The following GLI1 variants were observed in gnomAD, a reference collection of about 807,000 sequenced individuals.
GLI1 encodes transcription activator GLI1.
GLI1 carries 51 observed loss-of-function variants against 87.8 expected under a neutral mutation model. That is an observed-to-expected ratio of 0.58 (90% CI 0.46 to 0.73). The LOEUF is 0.73. GLI1 is among the 30% of genes least tolerant of loss of function. The pLI, the probability that GLI1 is intolerant of heterozygous loss-of-function variation, is 0.00. For missense variants in GLI1, 1,292 were observed against 1,437.2 expected (o/e 0.90, Z 1.63); for synonymous variants, 528 against 558.2 (o/e 0.95, Z 0.76).
chr12:57,470,614 A>G lies in GLI1; in HGVS notation c.1874A>G (p.Glu625Gly). 6.2e-7 allele frequency: 1 copy of G among 1,614,076 alleles called. No homozygotes were observed. Among genetic ancestry groups the G allele is most frequent in the Non-Finnish European group, 8.5e-7 (1 of 1,180,016 alleles). Residue 625 changes from glutamate (E) to glycine (G), a missense_variant, in exon 12 of 12, where the codon GAG becomes GGG. By Grantham distance (98) the Glu-to-Gly change is moderately conservative. This residue lies in a region of GLI1 where 897 missense variants were observed against 1,040.7 expected (regional missense o/e 0.86). Coordinates refer to ENST00000228682, the MANE Select transcript of GLI1 (RefSeq NM_005269.3). ...LPMPPWRSRA[E>G]YPGYNPNAGV... ...ATGCCTCCTTGGAGAAGCCGAGCCG[A>G]GTATCCAGGATACAACCCCAATGCA...
At chr12:57,465,327 A>G in intron 5 of GLI1, 72 bp downstream of exon 5, 3 of 1,346,516 alleles carry the variant, frequency 2.2e-6, no homozygotes, top group Non-Finnish European at 3.1e-6. Context: ...TGTAGGGGAA[A>G]GGTGAAGGAA....
chr12:57,468,700 G>A (rs1298966866), intron 10 of GLI1, among the ~76,000 whole-genome samples: 2 of 151,768 alleles, frequency 1.3e-5, no homozygotes, highest in East Asian at 1.9e-4. Flanking sequence ...GGCCTTGAGC[G>A]ATCCTCCCAC....
chr12:57,472,107 T>C lies in GLI1; in HGVS notation c.*46T>C, dbSNP rs1397839147. ...TCACAGATCGCATTTCCTAAGGGGT[T>C]TCTATCCTTCCAGAAAAATTGGGGG... On this transcript the variant is annotated 3_prime_UTR_variant, in exon 12 of 12. Transcript: ENST00000228682. 6 of 1,341,258 alleles carry C rather than the reference T, an allele frequency of 4.5e-6. No individual in the cohort carries two copies. The highest frequency in any genetic ancestry group is 6.0e-6 in the Non-Finnish European group (6 of 996,124). 83.1% of individuals were successfully genotyped at this position (1,341,258 alleles called of 1,614,324 possible).
rs1871846249 is a variant in GLI1, at chr12:57,470,749, CA to C, written c.2010del (p.Gly672GlufsTer47). On this transcript the variant is annotated frameshift_variant, in exon 12 of 12. Coordinates refer to ENST00000228682, the MANE Select transcript of GLI1 (RefSeq NM_005269.3). LOFTEE classifies it high-confidence loss of function. The part of the protein sequence containing the change: ...LGCVHTPPTV[A>X]GGGQNFDPYL... ...TGTGTCCATACCCCACCCACTGTGG[CA>C]GGGGGAGGACAGAACTTTGATCCTT... is the stretch of plus-strand genomic sequence containing the variant. The C allele has an allele frequency of 6.2e-7, 1 of 1,613,106 alleles. No homozygotes were observed. The highest frequency in any genetic ancestry group is 8.5e-7 in the Non-Finnish European group (1 of 1,179,530).
chr12:57,464,910 C>A, intron 4 of GLI1, 42 bp downstream of exon 4: 1 of 1,477,590 alleles, frequency 6.8e-7, no homozygotes, highest in Non-Finnish European at 9.4e-7. Context: ...AAGCCCCTAC[C>A]CAAGTCCATT....
chr12:57,467,052 C>A (rs542781435), intron 8 of GLI1, among the ~76,000 whole-genome samples: 143 of 152,280 alleles, frequency 9.4e-4, no homozygotes, highest in Admixed American at 1.8e-3. Flanking sequence ...ATGACCCCAT[C>A]TTGGGACAGC....
Position 57,471,890 on chromosome 12 carries a change from G to T in GLI1, c.3150G>T (p.Val1050=). 6.2e-7 allele frequency: 1 copy of T among 1,607,236 alleles called. No homozygotes were observed. Among genetic ancestry groups the T allele is most frequent in the Non-Finnish European group, 8.5e-7 (1 of 1,176,614 alleles). ...TTGACAACACTCAGCTGGACTTTGT[G>T]GCTATTCTGGATGAGCCCCAGGGGC... ...LDLDNTQLDF[V]AILDEPQGLS... Residue 1050 remains valine, a synonymous_variant, in exon 12 of 12, where the codon GTG becomes GTT. Coordinates refer to ENST00000228682, the MANE Select transcript of GLI1 (RefSeq NM_005269.3). This position sits in a 1 kb window ranked among gnomAD's most constrained non-coding sequence, Gnocchi z 4.9.
At chr12:57,463,507 GCCC>G (rs1871282249) in intron 1 of GLI1, among the ~76,000 whole-genome samples, 155 bp from the exon 2 acceptor site, 1 of 152,196 alleles carries the variant, frequency 6.6e-6, no homozygotes, top group African/African-American at 2.4e-5. Flanking sequence ...GAGCCACTGT[GCCC>G]GGCTCAGTGA....
chr12:57,466,249 A>G lies in GLI1; in HGVS notation c.772A>G (p.Ser258Gly). Residue 258 changes from serine to glycine, a missense_variant, in exon 8 of 12, where the codon AGC becomes GGC. Coordinates refer to ENST00000228682, the MANE Select transcript of GLI1 (RefSeq NM_005269.3). ...GTATCTTCTCCCTCAGCACATCAAC[A>G]GCGAGCACATCCACGGGGAGCGGAA... Reference protein sequence around the residue: ...SQEQLVHHINSEHIHGERKEF... With the variant: ...SQEQLVHHINGEHIHGERKEF... The G allele has an allele frequency of 1.9e-6, 3 of 1,613,162 alleles. No individual in the cohort carries two copies. Among genetic ancestry groups the G allele is most frequent in the Non-Finnish European group, 2.5e-6 (3 of 1,179,448 alleles).
chr12:57,462,391 C>T (rs1164929061), intron 1 of GLI1, among the ~76,000 whole-genome samples: 1 of 152,058 alleles, frequency 6.6e-6, no homozygotes, highest in African/African-American at 2.4e-5. Context: ...CCCTAAATCC[C>T]AGCATCCCGG....
In GLI1 at chr12:57,469,651, G is replaced by A. The variant is rs147931475; in HGVS notation, c.1529G>A (p.Arg510Gln). The stretch of plus-strand genomic sequence containing the variant: ...AGGCTGGACCAGCTACATCAACTCC[G>A]GCCAATAGGGACCCGGGGTCTCAAA... ...NLRLDQLHQL[R>Q]PIGTRGLKLP... The change falls in exon 11 of 12, where the codon CGG (arginine) becomes CAG (glutamine). Residue 510 changes from arginine (R) to glutamine (Q), a missense_variant. Transcript: ENST00000228682. The A allele has an allele frequency of 1.8e-5, 29 of 1,613,894 alleles. No individual in the cohort carries two copies. The highest frequency in any genetic ancestry group is 6.7e-5 in the East Asian group (3 of 44,892).
chr12:57,465,199 G>T lies in GLI1; in HGVS notation c.478G>T (p.Ala160Ser). The change falls in exon 5 of 12, where the codon GCC (alanine) becomes TCC (serine). Residue 160 changes from alanine to serine, a missense_variant. Coordinates refer to ENST00000228682, the MANE Select transcript of GLI1 (RefSeq NM_005269.3). ...GVQPCGPHDS[A>S]RGGMIPHPQS... The stretch of plus-strand genomic sequence containing the variant: ...CCAGCCTTGTGGTCCCCATGACTCT[G>T]CCCGGGGTGGGATGATCCCACATCC... 6.2e-7 allele frequency: 1 copy of T among 1,613,916 alleles called. No individual in the cohort carries two copies. Among genetic ancestry groups the T allele is most frequent in the Non-Finnish European group, 8.5e-7 (1 of 1,179,912 alleles).
intron 3 of GLI1, among the ~76,000 whole-genome samples, chr12:57,464,329 C>T (rs1871333350): frequency 6.6e-6 from 1 of 152,150 alleles, no homozygotes; most frequent in Non-Finnish European, 1.5e-5. Flanking sequence ...CAAGACCAGC[C>T]AGGCCAACAT....
At chr12:57,468,280 T>C (rs887133935) in intron 10 of GLI1, 56 bp downstream of exon 10, 6 of 1,166,102 alleles carry the variant, frequency 5.1e-6, no homozygotes, top group African/African-American at 1.5e-5. Context: ...TGTGGACATC[T>C]TTCTAGTTAC....
intron 1 of GLI1, among the ~76,000 whole-genome samples, chr12:57,461,678 G>A (rs1225202670): frequency 6.6e-6 from 1 of 152,130 alleles, no homozygotes; most frequent in African/African-American, 2.4e-5. Flanking sequence ...TCGCTCTACT[G>A]GGCTCCCGGG....
chr12:57,461,090 CT>C (rs1171284578), intron 1 of GLI1, among the ~76,000 whole-genome samples: 8 of 152,120 alleles, frequency 5.3e-5, no homozygotes, highest in African/African-American at 1.9e-4. Context: ...TCTGAATCCT[CT>C]TTCAGGTCCC....
At chr12:57,469,306 G>A in intron 10 of GLI1, 125 bp from the exon 11 acceptor site, 5 of 897,384 alleles carry the variant, frequency 5.6e-6, no homozygotes, top group Non-Finnish European at 8.4e-6. Context: ...TACCTGCTTA[G>A]CCCTTTCTAC....
intron 1 of GLI1, among the ~76,000 whole-genome samples, chr12:57,463,320 C>G (rs1342096498): frequency 2.0e-5 from 3 of 152,156 alleles, no homozygotes; most frequent in Admixed American, 2.0e-4. Flanking sequence ...CAGGTTCAAG[C>G]GATTCTTCTG....
At chr12:57,465,083 TTAAG>T in intron 4 of GLI1, 24 bp from the exon 5 acceptor site, 1 of 1,612,034 alleles carries the variant, frequency 6.2e-7, no homozygotes, top group Non-Finnish European at 8.5e-7. Context: ...CCTAATTGTC[TTAAG>T]TAACTGCCTC....
Sources: allele counts gnomAD v4.1 joint callset (sites outside exome capture counted in the v4.1 genomes callset), GRCh38; gene constraint gnomAD v4.1.1; regional missense constraint gnomAD v4.1.1; non-coding constraint Gnocchi (gnomAD v3.1); transcripts MANE v1.5; gene names NCBI Gene and HGNC (gene_info 2026-07-23, HGNC 2026-07-21).